Variants in ZMYM4 observed in about 807,000 individuals in gnomAD.
ZMYM4 encodes the protein zinc finger MYM-type containing 4.
In ZMYM4, 31 loss-of-function variants were observed where a neutral mutation model predicts 183.2. The ratio of observed to expected loss-of-function variants is 0.17; its 90% CI spans 0.13 to 0.23. The LOEUF (loss-of-function observed/expected upper bound fraction) is 0.23. Among genes scored for constraint, ZMYM4 ranks in the 10% least tolerant of loss-of-function variants. ZMYM4 has a pLI of 1.00. For missense variants in ZMYM4, 1,273 were observed against 1,840.3 expected, an observed-to-expected ratio of 0.69 and a Z score of 5.64; for synonymous variants, 592 against 631.2, an observed-to-expected ratio of 0.94 and a Z score of 0.93.
intron 26 of ZMYM4, among the ~76,000 whole-genome samples, chr1:35,412,003 C>A (rs973231101): frequency 2.0e-5 from 3 of 152,250 alleles, no homozygotes; most frequent in Non-Finnish European, 2.9e-5. Context: ...CCTGCCTCAG[C>A]CTCCGAAGTA....
rs149207031 is a variant in ZMYM4 at position 35,292,839 on chromosome 1, C to A, written c.39+23754C>A. 1.8e-3 allele frequency among the ~76,000 whole-genome samples: 269 copies of A among 152,158 alleles called. 1 individual carries two copies. Among genetic ancestry groups the A allele is most frequent in the Middle Eastern group, 6.8e-3 (2 of 294 alleles). On this transcript the variant is annotated intron_variant, in intron 1 of 29. Transcript: ENST00000314607. ...AATTAATAATGTGCTTCAGAACCCC[C>A]AGGGGAGTTCCCCCATTTCCCCACC...
intron 2 of ZMYM4, among the ~76,000 whole-genome samples, chr1:35,356,842 C>G (rs1425347721): frequency 6.6e-6 from 1 of 152,008 alleles, no homozygotes; most frequent in Non-Finnish European, 1.5e-5. Context: ...AAAGGTAATT[C>G]TGATGTCATT....
intron 2 of ZMYM4, among the ~76,000 whole-genome samples, chr1:35,330,287 G>A (rs1406551296): frequency 6.6e-6 from 1 of 152,044 alleles, no homozygotes; most frequent in African/African-American, 2.4e-5. Flanking sequence ...GGAAAGAAAA[G>A]GAGTTTATTT....
intron 1 of ZMYM4, among the ~76,000 whole-genome samples, chr1:35,324,638 C>T (rs1558003161): frequency 6.6e-6 from 1 of 152,148 alleles, no homozygotes; most frequent in East Asian, 1.9e-4. Context: ...AATGGGGTGG[C>T]TGATTCTGGC....
At chr1:35,319,876 A>G (rs1157760070) in intron 1 of ZMYM4, among the ~76,000 whole-genome samples, 1 of 152,224 alleles carries the variant, frequency 6.6e-6, no homozygotes, top group East Asian at 1.9e-4. Context: ...GGAAAATTTA[A>G]AGTACACTCT....
At chr1:35,284,209 C>T (rs1263575558) in intron 1 of ZMYM4, among the ~76,000 whole-genome samples, 1 of 151,934 alleles carries the variant, frequency 6.6e-6, no homozygotes, top group Non-Finnish European at 1.5e-5. Flanking sequence ...ATCTCCTGAC[C>T]TCATGATCCA....
chr1:35,313,371 A>ACTTTTT (rs1031467293), intron 1 of ZMYM4, among the ~76,000 whole-genome samples: 3 of 141,492 alleles, frequency 2.1e-5, no homozygotes, highest in Admixed American at 1.5e-4. Flanking sequence ...TTTATCTGTC[A>ACTTTTT]CTTTTTCTTT....
intron 2 of ZMYM4, among the ~76,000 whole-genome samples, chr1:35,328,476 T>G (rs1002008276): frequency 2.1e-5 from 3 of 143,266 alleles, no homozygotes; most frequent in Non-Finnish European, 3.0e-5. Flanking sequence ...TTTTTTTTTT[T>G]GTAGAGATTA....
rs148176366 is a variant in ZMYM4, at chr1:35,416,640, T to C, written c.4309+926T>C. Among the ~76,000 whole-genome samples, 610 of 152,326 alleles carry C rather than the reference T, an allele frequency of 4.0e-3. 2 individuals are homozygous for C. The highest frequency in any genetic ancestry group is 0.014 in the African/African-American group (574 of 41,570). ...GTGCAGTGGTGTGATCTCAGCTCACTGCAGACTTCGCCTCCCAGGTTCAAG... is the reference window on the plus strand; with the variant it reads ...GTGCAGTGGTGTGATCTCAGCTCACCGCAGACTTCGCCTCCCAGGTTCAAG... On this transcript the variant is annotated intron_variant, in intron 28 of 29. Coordinates refer to ENST00000314607, the MANE Select transcript of ZMYM4 (RefSeq NM_005095.3).
At position 35,309,889 on chromosome 1, in the gene ZMYM4, T is replaced by G. The variant is rs77610208; in HGVS notation, c.40-15471T>G. On this transcript the variant is annotated intron_variant, in intron 1 of 29. Coordinates refer to ENST00000314607, the MANE Select transcript of ZMYM4 (RefSeq NM_005095.3). Reference sequence around the variant, plus strand: ...TAAGGGACATCTTCTTAAAAAAACTTAAGTATTTTGTGGGGTTTTTTTGTG... The same window carrying G: ...TAAGGGACATCTTCTTAAAAAAACTGAAGTATTTTGTGGGGTTTTTTTGTG... 7.4e-3 allele frequency among the ~76,000 whole-genome samples: 1,127 copies of G among 151,856 alleles called. 15 individuals are homozygous for G. Among genetic ancestry groups the G allele is most frequent in the African/African-American group, 0.026 (1,078 of 41,438 alleles).
At chr1:35,297,858 G>A (rs908806544) in intron 1 of ZMYM4, among the ~76,000 whole-genome samples, 10 of 152,336 alleles carry the variant, frequency 6.6e-5, no homozygotes, top group African/African-American at 2.2e-4. Flanking sequence ...TTGTGTGCCT[G>A]TCTCCTATGA....
At chr1:35,324,161 AT>A (rs1317870024) in intron 1 of ZMYM4, among the ~76,000 whole-genome samples, 1 of 151,494 alleles carries the variant, frequency 6.6e-6, no homozygotes, top group Non-Finnish European at 1.5e-5. Flanking sequence ...GTTCAGGGAA[AT>A]TTTTTTCTGT....
intron 1 of ZMYM4, among the ~76,000 whole-genome samples, chr1:35,279,367 A>G (rs930790466): frequency 1.3e-5 from 2 of 152,186 alleles, no homozygotes; most frequent in African/African-American, 4.8e-5. Flanking sequence ...ATATCATTAG[A>G]CGAGAGGATT....
At chr1:35,367,551 C>T (rs1020615493) in intron 5 of ZMYM4, among the ~76,000 whole-genome samples, 11 of 152,014 alleles carry the variant, frequency 7.2e-5, no homozygotes, top group South Asian at 2.1e-4. Context: ...CAATTAGTTT[C>T]GTTAGGATAG....
rs775948464 is a variant in ZMYM4, at chr1:35,418,591, G to A, written c.4439+19G>A. ...CAAAATGGTAATCTTTCTCTGAACT[G>A]AATGTAGTGCACTCAGAAGGCAGTT... On this transcript the variant is annotated intron_variant, in intron 29 of 29. Coordinates refer to ENST00000314607, the MANE Select transcript of ZMYM4 (RefSeq NM_005095.3). 6.2e-7 allele frequency: 1 copy of A among 1,613,332 alleles called. No homozygotes were observed. The highest frequency in any genetic ancestry group is 1.1e-5 in the South Asian group (1 of 90,874).
intron 2 of ZMYM4, among the ~76,000 whole-genome samples, chr1:35,352,257 G>GCA (rs1295464946): frequency 0.014 from 1,385 of 99,896 alleles, 42 homozygotes; most frequent in African/African-American, 0.054. Flanking sequence ...AAATTAGCGC[G>GCA]CACGCGCGCG....
chr1:35,408,552 A>T (rs1315468395), intron 26 of ZMYM4, among the ~76,000 whole-genome samples: 1 of 152,152 alleles, frequency 6.6e-6, no homozygotes, highest in African/African-American at 2.4e-5. Flanking sequence ...AGCCTGGGCA[A>T]CATAGGGAGA....
Position 35,410,456 on chromosome 1 carries a change from A to ATT in ZMYM4, c.3948+2298_3948+2299insTT, listed in dbSNP as rs1639837082. On this transcript the variant is annotated intron_variant, in intron 26 of 29. Coordinates refer to ENST00000314607, the MANE Select transcript of ZMYM4 (RefSeq NM_005095.3). ...GTAGTGTACTTTGAATGACAAATAT[A>ATT]TATTTATTTATTTATTTATCTGTTT... Among the ~76,000 whole-genome samples the ATT allele has an allele frequency of 8.6e-5, 13 of 151,230 alleles. No individual in the cohort carries two copies. In the South Asian group the frequency reaches 2.3e-3, roughly 27 times the overall value.
intron 2 of ZMYM4, among the ~76,000 whole-genome samples, chr1:35,357,556 A>G (rs1643863739): frequency 1.3e-5 from 2 of 152,324 alleles, no homozygotes; most frequent in South Asian, 4.1e-4. Context: ...GAGTATTAGA[A>G]CTAGGTGCTA....
Sources: gnomAD v4.1 joint callset for allele counts (sites outside exome capture counted in the v4.1 genomes callset) on GRCh38, gnomAD v4.1.1 for gene constraint, MANE v1.5 for transcripts, NCBI Gene and HGNC (gene_info 2026-07-23, HGNC 2026-07-21) for gene names.